Variants in WDR41 observed in about 807,000 individuals in gnomAD.
WDR41 encodes the protein WD repeat-containing protein 41.
Under a neutral mutation model 69.3 loss-of-function variants are expected in WDR41, and 63 were observed. The ratio of observed to expected loss-of-function variants is 0.91; its 90% CI spans 0.74 to 1.12. The LOEUF (loss-of-function observed/expected upper bound fraction) is 1.12. Among genes scored for constraint, WDR41 ranks in the 50% most tolerant of loss-of-function variants. The pLI is 0.00. For synonymous variants in WDR41, 185 were observed against 192.1 expected, an observed-to-expected ratio of 0.96 and a Z score of 0.31; for missense variants, 543 against 534.5, an observed-to-expected ratio of 1.02 and a Z score of -0.16.
At chr5:77,436,123 C>G in intron 12 of WDR41, 138 bp downstream of exon 12, 1 of 1,142,704 alleles carries the variant, frequency 8.8e-7, no homozygotes, top group Non-Finnish European at 1.2e-6. Flanking sequence ...TATAGCCTAT[C>G]CCATTCCATG....
chr5:77,477,990 G>T (rs191198234), intron 2 of WDR41, among the ~76,000 whole-genome samples: 3,797 of 151,710 alleles, frequency 0.025, 70 homozygotes, highest in Non-Finnish European at 0.036. Flanking sequence ...TGATAAAGGG[G>T]ATATCACCAC....
chr5:77,495,245 CA>C (rs1337909845), upstream of WDR41, among the ~76,000 whole-genome samples: 2 of 151,290 alleles, frequency 1.3e-5, no homozygotes, highest in South Asian at 2.1e-4. Context: ...AAATGAAACC[CA>C]AAACTAGTAG....
chr5:77,483,944 T>C (rs1801401645), intron 2 of WDR41, among the ~76,000 whole-genome samples: 1 of 152,200 alleles, frequency 6.6e-6, no homozygotes, highest in Non-Finnish European at 1.5e-5. Flanking sequence ...ATGCTCAAGT[T>C]GCCAGATGGA....
At chr5:77,617,655 T>A (rs1205951163) in intron 1 of WDR41, among the ~76,000 whole-genome samples, 3 of 152,104 alleles carry the variant, frequency 2.0e-5, no homozygotes, top group African/African-American at 7.2e-5. Context: ...ACCATCTACG[T>A]TTTTGGTCAT....
At chr5:77,606,050 G>A (rs1179577321) in intron 1 of WDR41, among the ~76,000 whole-genome samples, 1 of 152,176 alleles carries the variant, frequency 6.6e-6, no homozygotes, top group Non-Finnish European at 1.5e-5. Flanking sequence ...GTTAGGGAAA[G>A]CTAGAAGATG....
intron 12 of WDR41, 119 bp from the exon 13 acceptor site, chr5:77,433,406 A>G: frequency 4.0e-6 from 3 of 747,492 alleles, no homozygotes; most frequent in Non-Finnish European, 5.9e-6. Context: ...ATCTGGGTGT[A>G]GAACTTCATT....
intron 1 of WDR41, among the ~76,000 whole-genome samples, chr5:77,609,017 C>A (rs988435576): frequency 6.6e-6 from 1 of 152,158 alleles, no homozygotes; most frequent in Non-Finnish European, 1.5e-5. Flanking sequence ...GCACCTGGCT[C>A]GGAGGGTCCT....
At chr5:77,586,298 T>G (rs115725518) in intron 1 of WDR41, among the ~76,000 whole-genome samples, 4 of 120,532 alleles carry the variant, frequency 3.3e-5, no homozygotes, top group East Asian at 2.3e-4. Flanking sequence ...ATTTATTTAT[T>G]TATGTATTTA....
chr5:77,472,375 G>T (rs1289073839), intron 2 of WDR41, among the ~76,000 whole-genome samples: 1 of 151,616 alleles, frequency 6.6e-6, no homozygotes, highest in African/African-American at 2.4e-5. Context: ...AGACAGGGAT[G>T]CCCTCTCTCA....
At chr5:77,450,708 C>T (rs1490772494) in intron 7 of WDR41, among the ~76,000 whole-genome samples, 1 of 152,126 alleles carries the variant, frequency 6.6e-6, no homozygotes, top group Non-Finnish European at 1.5e-5. Context: ...ACCACTGGAC[C>T]AGGTGCTGTG....
At chr5:77,460,164 A>G (rs1277350421) in intron 4 of WDR41, among the ~76,000 whole-genome samples, 1 of 152,204 alleles carries the variant, frequency 6.6e-6, no homozygotes, top group Non-Finnish European at 1.5e-5. Context: ...GTGTGAGAAA[A>G]TATCAGACTT....
At chr5:77,452,017 C>CCAAA (rs10701230) in intron 6 of WDR41, 1 of 145,430 alleles carries the variant, frequency 6.9e-6, no homozygotes, top group Non-Finnish European at 1.5e-5. Flanking sequence ...CACGTGTTGG[C>CCAAA]AAAAAAAAAA....
intron 1 of WDR41, among the ~76,000 whole-genome samples, chr5:77,609,381 G>A (rs1229355655): frequency 3.3e-5 from 5 of 152,138 alleles, no homozygotes; most frequent in Non-Finnish European, 4.4e-5. Flanking sequence ...CCTGACCCCT[G>A]AGCAGCCTAA....
At chr5:77,462,366 G>A (rs886497202) in intron 4 of WDR41, among the ~76,000 whole-genome samples, 8 of 133,632 alleles carry the variant, frequency 6.0e-5, no homozygotes, top group African/African-American at 2.0e-4. Context: ...TAAAGATCAC[G>A]CCATTGCACT....
chr5:77,455,531 A>C (rs1443250856), intron 5 of WDR41, among the ~76,000 whole-genome samples: 1 of 152,194 alleles, frequency 6.6e-6, no homozygotes, highest in Non-Finnish European at 1.5e-5. Flanking sequence ...ACCTAGCCCA[A>C]GGTCACAGAG....
At chr5:77,559,813 T>C (rs1489893631) in intron 1 of WDR41, among the ~76,000 whole-genome samples, 1 of 152,092 alleles carries the variant, frequency 6.6e-6, no homozygotes, top group African/African-American at 2.4e-5. Context: ...TGCTACTGAA[T>C]TGTTTTGCAG....
At chr5:77,579,093 G>A (rs1306652635) in intron 1 of WDR41, among the ~76,000 whole-genome samples, 3 of 152,026 alleles carry the variant, frequency 2.0e-5, no homozygotes, top group East Asian at 1.9e-4. Flanking sequence ...CTGAGATTAT[G>A]TAAGCCAAAG....
intron 1 of WDR41, among the ~76,000 whole-genome samples, chr5:77,537,293 T>C (rs957561132): frequency 2.0e-5 from 3 of 152,138 alleles, no homozygotes; most frequent in Non-Finnish European, 4.4e-5. Context: ...AAATGGCTGA[T>C]ATGAAGGAAC....
At chr5:77,566,076 T>A (rs1400020687) in intron 1 of WDR41, among the ~76,000 whole-genome samples, 1 of 152,136 alleles carries the variant, frequency 6.6e-6, no homozygotes, top group African/African-American at 2.4e-5. Context: ...TTTACCTCTC[T>A]ATGGTCAAGA....
Sources: allele counts gnomAD v4.1 joint callset (sites outside exome capture counted in the v4.1 genomes callset), GRCh38; gene constraint gnomAD v4.1.1; transcripts MANE v1.5; gene names NCBI Gene and HGNC (gene_info 2026-07-23, HGNC 2026-07-21).